Variants in PPP2R5E observed in about 807,000 individuals in gnomAD.
The protein encoded by PPP2R5E is serine/threonine-protein phosphatase 2A 56 kDa regulatory subunit epsilon isoform.
In PPP2R5E, 4 loss-of-function variants were observed where a neutral mutation model predicts 65.3. That is an observed-to-expected ratio of 0.06 (90% CI 0.03 to 0.14). PPP2R5E has a LOEUF of 0.14. PPP2R5E is among the 10% of genes least tolerant of loss of function. The pLI, the probability that PPP2R5E is intolerant of heterozygous loss-of-function variation, is 1.00. For synonymous variants in PPP2R5E, 183 were observed against 187.4 expected (o/e 0.98, Z 0.19); for missense variants, 274 against 556.1 (o/e 0.49, Z 5.10).
At chr14:63,458,475 T>C (rs1481510014) in intron 2 of PPP2R5E, among the ~76,000 whole-genome samples, 1 of 152,228 alleles carries the variant, frequency 6.6e-6, no homozygotes, top group Non-Finnish European at 1.5e-5. Context: ...AGTTTGGTAC[T>C]CTGGGACTCC....
intron 5 of PPP2R5E, among the ~76,000 whole-genome samples, chr14:63,399,799 A>G (rs1442956104): frequency 6.6e-6 from 1 of 152,178 alleles, no homozygotes; most frequent in Admixed American, 6.5e-5. Context: ...TCTTTACAGC[A>G]AAACATTTCA....
At chr14:63,446,578 C>T (rs1036044221) in intron 3 of PPP2R5E, among the ~76,000 whole-genome samples, 3 of 152,062 alleles carry the variant, frequency 2.0e-5, no homozygotes, top group African/African-American at 4.8e-5. Context: ...GCCTGTAATT[C>T]CAGCACTTTG....
At position 63,453,752 on chromosome 14, in the gene PPP2R5E, C is replaced by G. The variant is rs766826863; in HGVS notation, c.291G>C (p.Val97=). The change falls in exon 3 of 14, where the codon GTG becomes GTC. Residue 97 remains valine, a synonymous_variant. Coordinates refer to ENST00000337537, the MANE Select transcript of PPP2R5E (RefSeq NM_006246.5). ...AGCCTCTGCTTATTGTAATGTAGTCCACCAGTTCATTAAGAGTGGAGCGCT... is the reference window on the plus strand; with the variant it reads ...AGCCTCTGCTTATTGTAATGTAGTCGACCAGTTCATTAAGAGTGGAGCGCT... ...EYKRSTLNEL[V]DYITISRGCL... The G allele has an allele frequency of 6.2e-7, 1 of 1,613,460 alleles. No individual in the cohort carries two copies. The highest frequency in any genetic ancestry group is 8.5e-7 in the Non-Finnish European group (1 of 1,179,894).
At chr14:63,527,128 C>T (rs1029306628) in intron 2 of PPP2R5E, among the ~76,000 whole-genome samples, 6 of 152,230 alleles carry the variant, frequency 3.9e-5, no homozygotes, top group African/African-American at 1.2e-4. Flanking sequence ...AAGATCAAGC[C>T]GTTGCTCTCC....
chr14:63,539,260 C>A (rs1175520943), intron 2 of PPP2R5E, among the ~76,000 whole-genome samples: 1 of 152,152 alleles, frequency 6.6e-6, no homozygotes, highest in Non-Finnish European at 1.5e-5. Context: ...ACCCAGACAT[C>A]TTAAAGTTTC....
rs1885415367 is a variant in PPP2R5E at position 63,396,686 on chromosome 14, G to A, written c.580C>T (p.Arg194Trp). The A allele has an allele frequency of 1.9e-6, 3 of 1,613,512 alleles. No individual in the cohort carries two copies. The highest frequency in any genetic ancestry group is 2.5e-6 in the Non-Finnish European group (3 of 1,179,660). ...ACTGTTTTTAAGTAGTCCCGTTCCC[G>A]AGGGTCTTCGCTGTCAAATAGCTCC... ...LLELFDSEDPRERDYLKTVLH... is the reference protein window; with the variant it reads ...LLELFDSEDPWERDYLKTVLH... The change falls in exon 6 of 14, where the codon CGG (arginine) becomes TGG (tryptophan). Residue 194 changes from arginine to tryptophan, a missense_variant. By Grantham distance (101) the Arg-to-Trp change is moderately radical. This residue lies in a region of PPP2R5E where 17 missense variants were observed against 90.3 expected (regional missense o/e 0.19). Coordinates refer to ENST00000337537, the MANE Select transcript of PPP2R5E (RefSeq NM_006246.5).
intron 2 of PPP2R5E, among the ~76,000 whole-genome samples, chr14:63,524,519 G>A (rs1893100171): frequency 6.6e-6 from 1 of 152,204 alleles, no homozygotes. Flanking sequence ...ATAAAGCTAA[G>A]ATTATCACCT....
intron 2 of PPP2R5E, among the ~76,000 whole-genome samples, chr14:63,457,318 T>C (rs943875708): frequency 6.6e-6 from 1 of 152,106 alleles, no homozygotes; most frequent in Non-Finnish European, 1.5e-5. Flanking sequence ...CCAAATATTC[T>C]TTTTAAATAA....
intron 3 of PPP2R5E, among the ~76,000 whole-genome samples, chr14:63,423,861 A>G (rs1045040443): frequency 7.2e-5 from 11 of 152,230 alleles, no homozygotes; most frequent in African/African-American, 2.7e-4. Flanking sequence ...TAAAGCCACA[A>G]TTATCCCCAT....
intron 3 of PPP2R5E, among the ~76,000 whole-genome samples, chr14:63,440,579 G>T (rs1888174209): frequency 6.6e-6 from 1 of 151,878 alleles, no homozygotes; most frequent in Admixed American, 6.6e-5. Flanking sequence ...AACTTTTAGG[G>T]GTTTTAGACC....
intron 2 of PPP2R5E, among the ~76,000 whole-genome samples, chr14:63,509,529 C>A (rs1306944133): frequency 6.6e-6 from 1 of 152,160 alleles, no homozygotes; most frequent in African/African-American, 2.4e-5. Context: ...CCGCCTTGGC[C>A]TCCCAAAGTG....
intron 4 of PPP2R5E, among the ~76,000 whole-genome samples, chr14:63,418,462 C>T (rs1044350854): frequency 1.3e-5 from 2 of 152,184 alleles, no homozygotes; most frequent in Admixed American, 6.5e-5. Flanking sequence ...AAAGATTCTA[C>T]GTCAAAATCA....
chr14:63,418,877 C>T (rs527487047), intron 4 of PPP2R5E, among the ~76,000 whole-genome samples: 40 of 124,728 alleles, frequency 3.2e-4, no homozygotes, highest in African/African-American at 1.2e-3. Flanking sequence ...GAGATGGTCT[C>T]GCTCTGTTGC....
intron 5 of PPP2R5E, among the ~76,000 whole-genome samples, chr14:63,404,777 A>AT (rs959129307): frequency 1.3e-5 from 2 of 152,152 alleles, no homozygotes; most frequent in African/African-American, 4.8e-5. Context: ...AAAGAAGTCC[A>AT]TTTTTTTCCC....
At chr14:63,494,445 G>C (rs1375686764) in intron 2 of PPP2R5E, among the ~76,000 whole-genome samples, 3 of 151,788 alleles carry the variant, frequency 2.0e-5, no homozygotes, top group Non-Finnish European at 1.5e-5. Flanking sequence ...AGGTTGGCCA[G>C]CCTGGTCTTG....
intron 8 of PPP2R5E, among the ~76,000 whole-genome samples, chr14:63,392,313 T>C (rs924038141): frequency 6.6e-6 from 1 of 152,230 alleles, no homozygotes; most frequent in Non-Finnish European, 1.5e-5. Context: ...TTCAGCATAT[T>C]GTGGAATTAT....
At chr14:63,430,011 G>C (rs979277849) in intron 3 of PPP2R5E, among the ~76,000 whole-genome samples, 1 of 151,946 alleles carries the variant, frequency 6.6e-6, no homozygotes, top group African/African-American at 2.4e-5. Context: ...TTTTATGTTA[G>C]CACAAAAGAT....
intron 2 of PPP2R5E, among the ~76,000 whole-genome samples, chr14:63,462,893 G>A (rs1256733344): frequency 3.3e-5 from 5 of 151,660 alleles, no homozygotes; most frequent in Non-Finnish European, 5.9e-5. Context: ...ACCTGAGGTC[G>A]GGAGTTCGAG....
At chr14:63,433,027 GTTTT>G (rs1887760676) in intron 3 of PPP2R5E, among the ~76,000 whole-genome samples, 2 of 114,042 alleles carry the variant, frequency 1.8e-5, no homozygotes, top group African/African-American at 6.9e-5. Flanking sequence ...TTTTTGTTTT[GTTTT>G]GTTTTTTTTT....
Sources: allele counts gnomAD v4.1 joint callset (sites outside exome capture counted in the v4.1 genomes callset), GRCh38; gene constraint gnomAD v4.1.1; regional missense constraint gnomAD v4.1.1; transcripts MANE v1.5; gene names NCBI Gene and HGNC (gene_info 2026-07-23, HGNC 2026-07-21).